The following SLC22A23 variants were observed in gnomAD, a reference collection of about 807,000 sequenced individuals.
SLC22A23 encodes solute carrier family 22 member 23, also known as ion transporter protein.
In SLC22A23, 26 loss-of-function variants were observed where a neutral mutation model predicts 61.0. The ratio of observed to expected loss-of-function variants is 0.43; its 90% CI spans 0.31 to 0.59. SLC22A23 has a LOEUF of 0.59. Ranked by LOEUF, SLC22A23 falls within the 20% of genes least tolerant of loss-of-function variation. The pLI, the probability that SLC22A23 is intolerant of heterozygous loss-of-function variation, is 0.11. For synonymous variants in SLC22A23, 430 were observed against 413.9 expected, an observed-to-expected ratio of 1.04 and a Z score of -0.47; for missense variants, 796 against 934.7, an observed-to-expected ratio of 0.85 and a Z score of 1.94.
chr6:3,397,457 A>G (rs540960138), intron 3 of SLC22A23, among the ~76,000 whole-genome samples: 2 of 152,218 alleles, frequency 1.3e-5, no homozygotes, highest in Non-Finnish European at 2.9e-5. Context: ...GCTTAAAGGC[A>G]TCTCTAGCAA....
chr6:3,398,124 TG>T (rs1768130121), intron 3 of SLC22A23, among the ~76,000 whole-genome samples: 1 of 152,238 alleles, frequency 6.6e-6, no homozygotes, highest in South Asian at 2.1e-4. Context: ...CACTTAGCAA[TG>T]CCAGTTCGAC....
At position 3,455,896 on chromosome 6, in the gene SLC22A23, C is replaced by G; in HGVS notation, c.654+10G>C. The G allele has an allele frequency of 6.7e-7, 1 of 1,483,812 alleles. No individual in the cohort carries two copies. The highest frequency in any genetic ancestry group is 9.0e-7 in the Non-Finnish European group (1 of 1,110,438). 91.9% of individuals were successfully genotyped at this position (1,483,812 alleles called of 1,614,324 possible). A position where few individuals can be genotyped will look rare whatever the true frequency, so the allele number is the denominator to read the frequency against. On this transcript the variant is annotated intron_variant, in intron 1 of 9. Transcript: ENST00000406686. ...GAGGGTTGGAGGGACTGGGCGGCTG[C>G]GGCCCTTACCTTGCTGACCACGTTC...
At chr6:3,340,361 C>T (rs983301856) in intron 3 of SLC22A23, among the ~76,000 whole-genome samples, 4 of 152,178 alleles carry the variant, frequency 2.6e-5, no homozygotes, top group African/African-American at 4.8e-5. Context: ...GGCCTTCAAA[C>T]AGCACGTTAG....
intron 1 of SLC22A23, chr6:3,439,371 C>G (rs760505715): frequency 2.9e-5 from 13 of 448,112 alleles, no homozygotes; most frequent in Non-Finnish European, 5.4e-5. Context: ...GAAAGTTCCC[C>G]AGGGTGACTC....
At chr6:3,448,553 T>C (rs1772023792) in intron 1 of SLC22A23, among the ~76,000 whole-genome samples, 1 of 152,062 alleles carries the variant, frequency 6.6e-6, no homozygotes, top group Non-Finnish European at 1.5e-5. Context: ...TAGTGCAGTG[T>C]TGTGATCTCC....
chr6:3,428,283 G>A (rs779481207), intron 1 of SLC22A23, among the ~76,000 whole-genome samples: 5 of 152,206 alleles, frequency 3.3e-5, no homozygotes, highest in African/African-American at 9.7e-5. Context: ...CCTCCAGGCT[G>A]CTCAGAGTGG....
intron 5 of SLC22A23, among the ~76,000 whole-genome samples, chr6:3,294,443 CAGTA>C (rs1321140290): frequency 3.9e-5 from 6 of 152,194 alleles, no homozygotes; most frequent in Admixed American, 2.0e-4. Context: ...AAAGCTCAAC[CAGTA>C]AGTATCATAC....
intron 4 of SLC22A23, among the ~76,000 whole-genome samples, chr6:3,310,330 CGAGCACCCTGTCTCCCAGG>C (rs376669224): frequency 0.022 from 1,448 of 65,530 alleles, 39 homozygotes; most frequent in African/African-American, 0.059. Flanking sequence ...GCCTCCCACT[CGAGCACCCTGTCTCCCAGG>C]GAGCACCCTG....
chr6:3,294,722 G>A (rs1367251293), intron 5 of SLC22A23, among the ~76,000 whole-genome samples: 1 of 152,184 alleles, frequency 6.6e-6, no homozygotes, highest in African/African-American at 2.4e-5. Context: ...TGATATGAAG[G>A]TTGCAGGACT....
At chr6:3,393,390 G>A (rs1057370620) in intron 3 of SLC22A23, among the ~76,000 whole-genome samples, 5 of 152,208 alleles carry the variant, frequency 3.3e-5, no homozygotes, top group Admixed American at 1.3e-4. Context: ...AATTAAAATG[G>A]TTTTAAATGA....
intron 4 of SLC22A23, among the ~76,000 whole-genome samples, chr6:3,311,238 G>A (rs1762351553): frequency 6.6e-6 from 1 of 152,208 alleles, no homozygotes; most frequent in African/African-American, 2.4e-5. Flanking sequence ...ACTGGGGGAG[G>A]GAGGAGAATC....
chr6:3,331,831 C>T (rs995295316), intron 3 of SLC22A23, among the ~76,000 whole-genome samples: 8 of 152,196 alleles, frequency 5.3e-5, no homozygotes, highest in African/African-American at 1.9e-4. Flanking sequence ...AATCCCCTCC[C>T]ATCCACTGGA....
intron 3 of SLC22A23, among the ~76,000 whole-genome samples, chr6:3,399,678 A>C (rs1768248823): frequency 6.6e-6 from 1 of 152,210 alleles, no homozygotes. Context: ...CATACAGATA[A>C]GATAAATCTT....
At chr6:3,298,818 A>G (rs980640102) in intron 4 of SLC22A23, among the ~76,000 whole-genome samples, 1 of 151,400 alleles carries the variant, frequency 6.6e-6, no homozygotes, top group Non-Finnish European at 1.5e-5. Flanking sequence ...TAAAAATACA[A>G]AAAATTAGCC....
intron 1 of SLC22A23, among the ~76,000 whole-genome samples, chr6:3,419,120 A>G (rs1392210359): frequency 6.6e-6 from 1 of 152,216 alleles, no homozygotes; most frequent in East Asian, 1.9e-4. Flanking sequence ...GATTAAAGAA[A>G]TATATAACAG....
intron 4 of SLC22A23, among the ~76,000 whole-genome samples, chr6:3,315,501 C>T (rs1762585967): frequency 6.6e-6 from 1 of 152,218 alleles, no homozygotes; most frequent in South Asian, 2.1e-4. Flanking sequence ...ACCATCAGAT[C>T]TCACAGGCCC....
At chr6:3,351,925 T>G (rs1030706227) in intron 3 of SLC22A23, among the ~76,000 whole-genome samples, 1 of 152,050 alleles carries the variant, frequency 6.6e-6, no homozygotes. Flanking sequence ...TCGAGGCAGA[T>G]GGAGTTCCCA....
chr6:3,299,391 G>A (rs774074540), intron 4 of SLC22A23, among the ~76,000 whole-genome samples: 3 of 152,196 alleles, frequency 2.0e-5, no homozygotes, highest in Non-Finnish European at 2.9e-5. Flanking sequence ...AAGGCTCACT[G>A]TCCCGGGGTT....
At chr6:3,302,823 A>T (rs1761708331) in intron 4 of SLC22A23, 1 of 152,170 alleles carries the variant, frequency 6.6e-6, no homozygotes, top group Non-Finnish European at 1.5e-5. Context: ...ATTTTTAAAA[A>T]TTTTTTGAGA....
Sources: allele counts gnomAD v4.1 joint callset (sites outside exome capture counted in the v4.1 genomes callset), GRCh38; gene constraint gnomAD v4.1.1; transcripts MANE v1.5; gene names NCBI Gene and HGNC (gene_info 2026-07-23, HGNC 2026-07-21).